Variants in PDE1C observed in about 807,000 individuals in gnomAD.
The protein encoded by PDE1C is dual specificity calcium/calmodulin-dependent 3',5'-cyclic nucleotide phosphodiesterase 1C.
Under a neutral mutation model 93.1 loss-of-function variants are expected in PDE1C, and 62 were observed. The observed-to-expected ratio is 0.67, with a 90% CI of 0.54 to 0.82. The LOEUF is 0.82. Ranked by LOEUF, PDE1C falls within the 40% of genes least tolerant of loss-of-function variation. The probability of loss-of-function intolerance (pLI) is 0.00; values close to 1 mark genes in which losing one functional copy is unlikely to be tolerated. For synonymous variants in PDE1C, 325 were observed against 310.1 expected (o/e 1.05, Z -0.50); for missense variants, 742 against 884.6 (o/e 0.84, Z 2.04).
At chr7:31,846,230 T>C (rs936824756) in intron 9 of PDE1C, among the ~76,000 whole-genome samples, 2 of 149,416 alleles carry the variant, frequency 1.3e-5, no homozygotes, top group African/African-American at 2.5e-5. Flanking sequence ...TTTCTTTTTT[T>C]TTCTTTTTTT....
rs2128905499 is a variant in PDE1C at position 32,314,693 on chromosome 7, A to G, written c.311-105154T>C. On this transcript the variant is annotated intron_variant, in intron 1 of 1. Transcript: ENST00000672256. ...TACTGTGGTTCTTAAATCCCTGGAG[A>G]AGGTAACTCTTCTCAGTGGCATCCT... Among the ~76,000 whole-genome samples, 3 of 152,224 alleles carry G rather than the reference A, an allele frequency of 2.0e-5. No homozygotes were observed. In the South Asian group the frequency reaches 6.2e-4, roughly 32 times the overall value.
chr7:32,347,436 T>A (rs1272886906), intron 1 of PDE1C, among the ~76,000 whole-genome samples: 2 of 152,154 alleles, frequency 1.3e-5, no homozygotes, highest in Non-Finnish European at 2.9e-5. Context: ...TCTCTGTGGA[T>A]CCTGCCCCCT....
intron 2 of PDE1C, among the ~76,000 whole-genome samples, chr7:32,033,288 A>G (rs762693501): frequency 1.3e-5 from 2 of 152,136 alleles, no homozygotes; most frequent in Non-Finnish European, 2.9e-5. Flanking sequence ...GCCATGAAAT[A>G]TAGTAAATTA....
chr7:32,265,914 C>A (rs1810537578), intron 1 of PDE1C, among the ~76,000 whole-genome samples: 1 of 145,666 alleles, frequency 6.9e-6, no homozygotes, highest in African/African-American at 2.4e-5. Context: ...GGAAGACCTC[C>A]CCTACAAGGT....
the PDE1C span, chr7:31,643,756 G>GGCACCTGCCATGCT: frequency 6.2e-7 from 1 of 1,613,940 alleles, no homozygotes; most frequent in Non-Finnish European, 8.5e-7. Flanking sequence ...CTGCCCAATG[G>GGCACCTGCCATGCT]GCACCTGCCA....
intron 2 of PDE1C, among the ~76,000 whole-genome samples, chr7:31,882,096 G>C (rs963414688): frequency 6.6e-6 from 1 of 152,036 alleles, no homozygotes; most frequent in Non-Finnish European, 1.5e-5. Context: ...AAAAATCTTG[G>C]ATCAACCTTA....
chr7:32,379,355 G>A (rs1328797452), intron 1 of PDE1C, among the ~76,000 whole-genome samples: 5 of 152,212 alleles, frequency 3.3e-5, no homozygotes, highest in African/African-American at 2.4e-5. Flanking sequence ...CACAGAAGTG[G>A]TTCCTTCCTA....
At chr7:31,709,227 A>G in the PDE1C span, among the ~76,000 whole-genome samples, 1 of 152,200 alleles carries the variant, frequency 6.6e-6, no homozygotes, top group Non-Finnish European at 1.5e-5. Flanking sequence ...TAAGGAAGAA[A>G]GTAGACCAGC....
At chr7:31,789,421 C>T (rs1784341738) in intron 16 of PDE1C, 1 of 153,438 alleles carries the variant, frequency 6.5e-6, no homozygotes, top group Non-Finnish European at 1.4e-5. Flanking sequence ...AATAAAACCA[C>T]AGATATCCAA....
At chr7:32,276,620 C>G (rs1811307520) in intron 1 of PDE1C, among the ~76,000 whole-genome samples, 1 of 152,098 alleles carries the variant, frequency 6.6e-6, no homozygotes. Context: ...TGGATTCCAA[C>G]CCTGGCTCGC....
At chr7:32,386,107 T>TC (rs1282527510) in intron 1 of PDE1C, among the ~76,000 whole-genome samples, 2 of 119,680 alleles carry the variant, frequency 1.7e-5, no homozygotes, top group African/African-American at 6.0e-5. Flanking sequence ...TTTTTTTTTT[T>TC]CCAGAAACAA....
At chr7:32,011,566 G>A (rs1317096119) in intron 2 of PDE1C, among the ~76,000 whole-genome samples, 1 of 152,098 alleles carries the variant, frequency 6.6e-6, no homozygotes, top group Non-Finnish European at 1.5e-5. Context: ...TAATAAGTAA[G>A]CACATGGAAA....
intron 1 of PDE1C, among the ~76,000 whole-genome samples, chr7:32,258,150 T>G (rs1809943019): frequency 6.6e-6 from 1 of 152,358 alleles, no homozygotes; most frequent in Middle Eastern, 3.4e-3. Flanking sequence ...AGAAGGACAC[T>G]GACTTAGAGT....
At chr7:31,819,820 C>T (rs2128730768) in intron 14 of PDE1C, among the ~76,000 whole-genome samples, 1 of 151,962 alleles carries the variant, frequency 6.6e-6, no homozygotes, top group African/African-American at 2.4e-5. Flanking sequence ...TCTGAAATGC[C>T]TACTTAAACT....
intron 2 of PDE1C, among the ~76,000 whole-genome samples, chr7:31,947,027 T>G (rs1056475418): frequency 1.3e-5 from 2 of 152,238 alleles, no homozygotes; most frequent in Admixed American, 1.3e-4. Context: ...GCCAGAGGTC[T>G]GAAAATTCCT....
chr7:31,767,902 C>T (rs1795242832), intron 17 of PDE1C, among the ~76,000 whole-genome samples: 1 of 152,208 alleles, frequency 6.6e-6, no homozygotes, highest in Non-Finnish European at 1.5e-5. Context: ...GGGCTCCATC[C>T]TCATGACCTG....
At chr7:31,975,940 T>G (rs1379342745) in intron 2 of PDE1C, among the ~76,000 whole-genome samples, 1 of 152,218 alleles carries the variant, frequency 6.6e-6, no homozygotes, top group African/African-American at 2.4e-5. Context: ...ACAACTCAGG[T>G]TGATGTGCAT....
chr7:32,350,605 T>A lies in PDE1C; in HGVS notation c.310+77217A>T, dbSNP rs1334455582. Among the ~76,000 whole-genome samples, 3 of 24,604 alleles carry A rather than the reference T, an allele frequency of 1.2e-4. 1 individual carries two copies. The highest frequency in any genetic ancestry group is 2.9e-4 in the Non-Finnish European group (2 of 6,856). The allele number at this position is 24,604 out of a possible 152,430, so 16.1% of individuals were successfully genotyped here. A position where few individuals can be genotyped will look rare whatever the true frequency, so the allele number is the denominator to read the frequency against. On this transcript the variant is annotated intron_variant, in intron 1 of 1. Transcript: ENST00000672256. ...ATATATATATATTTTTTTTTTTTTT[T>A]TTATTATACTCTAAGTTTTAGGGTA...
At chr7:32,371,890 G>A (rs866450434) in intron 1 of PDE1C, among the ~76,000 whole-genome samples, 1 of 152,004 alleles carries the variant, frequency 6.6e-6, no homozygotes, top group African/African-American at 2.4e-5. Flanking sequence ...AAACAATCTT[G>A]AAAAAGGCAA....
Sources: gnomAD v4.1 joint callset for allele counts (sites outside exome capture counted in the v4.1 genomes callset) on GRCh38, gnomAD v4.1.1 for gene constraint, MANE v1.5 for transcripts, NCBI Gene and HGNC (gene_info 2026-07-23, HGNC 2026-07-21) for gene names.